Variants in DYRK1B observed in about 807,000 individuals in gnomAD.
DYRK1B encodes dual specificity tyrosine phosphorylation regulated kinase 1B, also known as dual specificity tyrosine-phosphorylation-regulated kinase 1B.
DYRK1B carries 20 observed loss-of-function variants against 57.1 expected under a neutral mutation model. That is an observed-to-expected ratio of 0.35 (90% CI 0.25 to 0.51). The LOEUF (loss-of-function observed/expected upper bound fraction) is 0.51, where lower values mean the gene tolerates loss of function less well. DYRK1B is among the 20% of genes least tolerant of loss of function. The pLI is 0.96. For missense variants in DYRK1B, 732 were observed against 886.3 expected (o/e 0.83, Z 2.21); for synonymous variants, 409 against 384.7 (o/e 1.06, Z -0.74).
rs1374084163 is a variant in DYRK1B at position 39,831,918 on chromosome 19, C to CG, written c.-52dup. On this transcript the variant is annotated 5_prime_UTR_variant, in exon 2 of 11. The change abolishes the stop of an existing upstream ORF in the 5' untranslated region. Coordinates refer to ENST00000323039, the MANE Select transcript of DYRK1B (RefSeq NM_004714.3). The stretch of plus-strand genomic sequence containing the variant: ...GCGAGGCCTGGAGCGGGAGCCCGGC[C>CG]GGGGGGCGCCTTCTTGCATCCTGCA... 13 of 1,438,104 alleles carry CG rather than the reference C, an allele frequency of 9.0e-6. No homozygotes were observed. Among genetic ancestry groups the CG allele is most frequent in the Non-Finnish European group, 1.2e-5 (13 of 1,093,996 alleles). 89.1% of individuals were successfully genotyped at this position (1,438,104 alleles called of 1,614,324 possible).
rs377489900 is a variant in DYRK1B at position 39,825,828 on chromosome 19, G to A, written c.1777C>T (p.Arg593Trp). ...GGACGACCTCCAGTCATCCGAGTCC[G>A]GAGGGCTGAGGCAGCCGGGTGCTGG... Reference protein sequence around the residue: ...APQHPAASALRTRMTGGRPPL... With the variant: ...APQHPAASALWTRMTGGRPPL... Residue 593 changes from arginine to tryptophan, a missense_variant, in exon 11 of 11, where the codon CGG becomes TGG. Arg to Trp is a moderately radical substitution (Grantham distance 101). Around this residue, in one of 2 missense-constraint regions of DYRK1B, gnomAD observed 222 missense variants for 205.0 expected, o/e 1.08. Coordinates refer to ENST00000323039, the MANE Select transcript of DYRK1B (RefSeq NM_004714.3). The A allele has an allele frequency of 8.0e-5, 128 of 1,609,864 alleles. No individual in the cohort carries two copies. The highest frequency in any genetic ancestry group is 9.6e-5 in the Non-Finnish European group (113 of 1,178,526).
rs1419901345 is a variant in DYRK1B at position 39,829,885 on chromosome 19, T to C, written c.515A>G (p.Tyr172Cys). 12 of 1,613,316 alleles carry C rather than the reference T, an allele frequency of 7.4e-6. No individual in the cohort carries two copies. Among genetic ancestry groups the C allele is most frequent in the Non-Finnish European group, 8.5e-7 (1 of 1,180,010 alleles). ...MNQHDTEMKY[Y>C]IVHLKRHFMF... ...CTGCCAGTCCCAGGCCTCACCTATATAGTACTTCATCTCCGTGTCATGCTG... is the reference window on the plus strand; with the variant it reads ...CTGCCAGTCCCAGGCCTCACCTATACAGTACTTCATCTCCGTGTCATGCTG... Residue 172 changes from tyrosine (Y) to cysteine (C), a missense_variant, in exon 5 of 11, where the codon TAT (tyrosine) becomes TGT (cysteine). Around this residue, in one of 2 missense-constraint regions of DYRK1B, gnomAD observed 510 missense variants for 681.3 expected, o/e 0.75. Transcript: ENST00000323039.
chr19:39,828,934 C>T lies in DYRK1B; in HGVS notation c.521-351G>A, dbSNP rs543455569. On this transcript the variant is annotated intron_variant, in intron 5 of 10. Coordinates refer to ENST00000323039, the MANE Select transcript of DYRK1B (RefSeq NM_004714.3). This position sits in a 1 kb window ranked among gnomAD's most constrained non-coding sequence, Gnocchi z 4.3. Reference sequence around the variant, plus strand: ...GTTTTCCGTTTACTTTAAGGATATACGTTTTCCTTTCAAACGAAACCATTT... The same window carrying T: ...GTTTTCCGTTTACTTTAAGGATATATGTTTTCCTTTCAAACGAAACCATTT... 4.6e-5 allele frequency among the ~76,000 whole-genome samples: 7 copies of T among 151,950 alleles called. No individual in the cohort carries two copies. In the East Asian group the frequency reaches 7.7e-4, roughly 17 times the overall value.
Position 39,825,713 on chromosome 19 carries a change from G to A in DYRK1B, c.*2C>T. ...AGGAGGGGCCCCAGGGAGGGGGCAGGGTCACGAGCTGGCTGCTGTGCTCTG... is the reference window on the plus strand; with the variant it reads ...AGGAGGGGCCCCAGGGAGGGGGCAGAGTCACGAGCTGGCTGCTGTGCTCTG... On this transcript the variant is annotated 3_prime_UTR_variant, in exon 11 of 11. Coordinates refer to ENST00000323039, the MANE Select transcript of DYRK1B (RefSeq NM_004714.3). The A allele has an allele frequency of 6.5e-7, 1 of 1,548,456 alleles. No individual in the cohort carries two copies. The highest frequency in any genetic ancestry group is 8.7e-7 in the Non-Finnish European group (1 of 1,147,714).
Position 39,826,151 on chromosome 19 carries a change from C to T in DYRK1B, c.1518+29G>A. The stretch of plus-strand genomic sequence containing the variant: ...TCTCTAAGCCCCAGGCACCACCACC[C>T]ACCTCCAAAGCCCCCAAAGCCCCAT... On this transcript the variant is annotated intron_variant, in intron 10 of 10. Transcript: ENST00000323039. The surrounding 1 kb of genome is among the most constrained non-coding windows in gnomAD (Gnocchi z 6.3). The T allele has an allele frequency of 6.3e-7, 1 of 1,585,658 alleles. No homozygotes were observed. Among genetic ancestry groups the T allele is most frequent in the Non-Finnish European group, 8.6e-7 (1 of 1,169,038 alleles).
Position 39,826,651 on chromosome 19 carries a change from TTTGGGCAC to T in DYRK1B, c.1411+13_1411+20del, listed in dbSNP as rs764636436. The T allele has an allele frequency of 1.3e-6, 2 of 1,575,018 alleles. No individual in the cohort carries two copies. The highest frequency in any genetic ancestry group is 4.7e-5 in the East Asian group (2 of 42,834). ...AGCAGCCCCCACCCGTTGTACCCCA[TTTGGGCAC>T]CTGGGCACCCACCAGAACTGGAGAT... On this transcript the variant is annotated intron_variant, in intron 9 of 10. Coordinates refer to ENST00000323039, the MANE Select transcript of DYRK1B (RefSeq NM_004714.3). The surrounding 1 kb of genome is among the most constrained non-coding windows in gnomAD (Gnocchi z 6.3).
chr19:39,829,393 A>AT (rs1440955550), intron 5 of DYRK1B, among the ~76,000 whole-genome samples: 1 of 151,386 alleles, frequency 6.6e-6, no homozygotes, highest in African/African-American at 2.4e-5. Context: ...CATCAAGCTA[A>AT]TTTTTTCACA....
rs1248010693 is a variant in DYRK1B at position 39,828,358 on chromosome 19, T to C, written c.746A>G (p.Asn249Ser). 3 of 1,614,098 alleles carry C rather than the reference T, an allele frequency of 1.9e-6. No homozygotes were observed. The highest frequency in any genetic ancestry group is 2.2e-5 in the South Asian group (2 of 91,070). ...AATCTTGATGGCGCTGCGCTTGGGG[T>C]TGCACAGCAAGATGTTTTCGGGCTT... ...DLKPENILLCNPKRSAIKIVD... is the reference protein window; with the variant it reads ...DLKPENILLCSPKRSAIKIVD... Residue 249 changes from asparagine (N) to serine (S), a missense_variant, in exon 6 of 11, where the codon AAC (asparagine) becomes AGC (serine). Around this residue, in one of 2 missense-constraint regions of DYRK1B, gnomAD observed 510 missense variants for 681.3 expected, o/e 0.75. Coordinates refer to ENST00000323039, the MANE Select transcript of DYRK1B (RefSeq NM_004714.3). The surrounding 1 kb of genome is among the most constrained non-coding windows in gnomAD (Gnocchi z 4.3).
intron 3 of DYRK1B, 41 bp from the exon 4 acceptor site, chr19:39,830,604 ACT>A: frequency 1.9e-6 from 3 of 1,613,462 alleles, no homozygotes; most frequent in Non-Finnish European, 2.5e-6. Flanking sequence ...CTGGTGAGTG[ACT>A]CATGCCAGCA....
At position 39,825,425 on chromosome 19, in the gene DYRK1B, T is replaced by C. The variant is rs918156100; in HGVS notation, c.*290A>G. ...CCCCCTACCTGCCCCCACCCCCTCC[T>C]AGGGTCCTGGGGTGAGGGGGGGTCT... On this transcript the variant is annotated 3_prime_UTR_variant, in exon 11 of 11. Transcript: ENST00000323039. 32 of 405,524 alleles carry C rather than the reference T, an allele frequency of 7.9e-5. No homozygotes were observed. Among genetic ancestry groups the C allele is most frequent in the African/African-American group, 6.1e-4 (29 of 47,836 alleles). The allele number at this position is 405,524 out of a possible 1,614,324, so 25.1% of individuals were successfully genotyped here.
Position 39,826,832 on chromosome 19 carries a change from G to T in DYRK1B, c.1251C>A (p.Ala417=). 1 of 1,490,428 alleles carries T rather than the reference G, an allele frequency of 6.7e-7. No homozygotes were observed. The highest frequency in any genetic ancestry group is 8.9e-7 in the Non-Finnish European group (1 of 1,121,800). 92.3% of individuals were successfully genotyped at this position (1,490,428 alleles called of 1,614,324 possible). Residue 417 remains alanine, a synonymous_variant, in exon 9 of 11, where the codon GCC becomes GCA. Coordinates refer to ENST00000323039, the MANE Select transcript of DYRK1B (RefSeq NM_004714.3). The surrounding 1 kb of genome is among the most constrained non-coding windows in gnomAD (Gnocchi z 6.3). ...GAGCCCCCAGGGGGCTGATGCGGGC[G>T]GCGGGCTCATACTCCAGCATGCGCA... ...LVLRMLEYEP[A]ARISPLGALQ...
chr19:39,825,961 G>T lies in DYRK1B; in HGVS notation c.1644C>A (p.Tyr548Ter). The change falls in exon 11 of 11, where the codon TAC (tyrosine) becomes TAA (stop). Residue 548 changes from tyrosine to a stop codon, truncating the protein, a stop_gained. Coordinates refer to ENST00000323039, the MANE Select transcript of DYRK1B (RefSeq NM_004714.3). LOFTEE classifies it high-confidence loss of function. Reference protein sequence around the residue: ...TGAQLPPQPRYLGRPPSPTSP... With the variant: ...TGAQLPPQPR ...AGGTTGGTGATGGGGGACGACCAAG[G>T]TATCGGGGCTGGGGGGGTAACTGGG... 5 of 1,528,476 alleles carry T rather than the reference G, an allele frequency of 3.3e-6. No individual in the cohort carries two copies. Among genetic ancestry groups the T allele is most frequent in the Non-Finnish European group, 4.4e-6 (5 of 1,140,920 alleles). The allele number at this position is 1,528,476 out of a possible 1,614,324, so 94.7% of individuals were successfully genotyped here. A position where few individuals can be genotyped will look rare whatever the true frequency, so the allele number is the denominator to read the frequency against.
In DYRK1B at chr19:39,827,285, C is replaced by T. The variant is rs1968587078; in HGVS notation, c.1095G>A (p.Lys365=). Residue 365 remains lysine, a splice_region_variant and synonymous_variant, in exon 8 of 11, where the codon AAG becomes AAA. Coordinates refer to ENST00000323039, the MANE Select transcript of DYRK1B (RefSeq NM_004714.3). ...WTLRRTKELR[K]DYQGPGTRRL... ...GAGTGGCATGGGGCAGGGGCCGCAC[C>T]TTCCTGAGTTCTTTCGTCCTTCGTA... 1.2e-6 allele frequency: 2 copies of T among 1,609,062 alleles called. No individual in the cohort carries two copies. The highest frequency in any genetic ancestry group is 1.7e-6 in the Non-Finnish European group (2 of 1,176,622).
At chr19:39,829,698 G>A (rs936172500) in intron 5 of DYRK1B, 182 bp downstream of exon 5, 45 of 713,202 alleles carry the variant, frequency 6.3e-5, no homozygotes, top group Middle Eastern at 4.0e-4. Context: ...CCATTACCAA[G>A]AAAATAGGAC....
Position 39,826,417 on chromosome 19 carries a change from C to A in DYRK1B, c.1412-131G>T. On this transcript the variant is annotated intron_variant, in intron 9 of 10. Transcript: ENST00000323039. This position sits in a 1 kb window ranked among gnomAD's most constrained non-coding sequence, Gnocchi z 6.3. ...CTTCAAGAGCAGAGCCCATCTGAAGCACCGGGCCCAATTCTGAGATTCTGG... is the reference window on the plus strand; with the variant it reads ...CTTCAAGAGCAGAGCCCATCTGAAGAACCGGGCCCAATTCTGAGATTCTGG... The A allele has an allele frequency of 1.2e-6, 1 of 855,738 alleles. No individual in the cohort carries two copies. The highest frequency in any genetic ancestry group is 1.7e-6 in the Non-Finnish European group (1 of 580,598). 53.0% of individuals were successfully genotyped at this position (855,738 alleles called of 1,614,324 possible).
rs1416628593 is a variant in DYRK1B, at chr19:39,831,925, C to T, written c.-58G>A. 13 of 1,436,834 alleles carry T rather than the reference C, an allele frequency of 9.0e-6. No homozygotes were observed. The highest frequency in any genetic ancestry group is 2.6e-4 in the Middle Eastern group (1 of 3,894). 89.0% of individuals were successfully genotyped at this position (1,436,834 alleles called of 1,614,324 possible). A position where few individuals can be genotyped will look rare whatever the true frequency, so the allele number is the denominator to read the frequency against. Reference sequence around the variant, plus strand: ...CTGGAGCGGGAGCCCGGCCGGGGGGCGCCTTCTTGCATCCTGCACCTCGGC... The same window carrying T: ...CTGGAGCGGGAGCCCGGCCGGGGGGTGCCTTCTTGCATCCTGCACCTCGGC... On this transcript the variant is annotated 5_prime_UTR_variant, in exon 2 of 11. Transcript: ENST00000323039.
At position 39,831,919 on chromosome 19, in the gene DYRK1B, G is replaced by C. The variant is rs546514883; in HGVS notation, c.-52C>G. On this transcript the variant is annotated 5_prime_UTR_variant, in exon 2 of 11. Transcript: ENST00000323039. ...CGAGGCCTGGAGCGGGAGCCCGGCC[G>C]GGGGGCGCCTTCTTGCATCCTGCAC... 7.0e-7 allele frequency: 1 copy of C among 1,437,596 alleles called. No homozygotes were observed. Among genetic ancestry groups the C allele is most frequent in the Non-Finnish European group, 9.1e-7 (1 of 1,093,786 alleles). The allele number at this position is 1,437,596 out of a possible 1,614,324, so 89.1% of individuals were successfully genotyped here. A position where few individuals can be genotyped will look rare whatever the true frequency, so the allele number is the denominator to read the frequency against.
chr19:39,833,349 G>A lies in DYRK1B; in HGVS notation c.-102+674C>T, dbSNP rs977584119. The stretch of plus-strand genomic sequence containing the variant: ...GGGGTGGGCGAGCGGCCAGCATGGC[G>A]GCGGTGGCGGCGCTGAAAAGGCGAC... On this transcript the variant is annotated intron_variant, in intron 1 of 10. Coordinates refer to ENST00000323039, the MANE Select transcript of DYRK1B (RefSeq NM_004714.3). The A allele has an allele frequency of 3.0e-6, 3 of 985,420 alleles. No individual in the cohort carries two copies. In the East Asian group the frequency reaches 3.4e-4, roughly 112 times the overall value. 61.0% of individuals were successfully genotyped at this position (985,420 alleles called of 1,614,324 possible). A position where few individuals can be genotyped will look rare whatever the true frequency, so the allele number is the denominator to read the frequency against.
chr19:39,827,612 C>T lies in DYRK1B; in HGVS notation c.852G>A (p.Val284=). 1.2e-6 allele frequency: 2 copies of T among 1,614,096 alleles called. No individual in the cohort carries two copies. The highest frequency in any genetic ancestry group is 1.7e-6 in the Non-Finnish European group (2 of 1,179,980). The change falls in exon 7 of 11, where the codon GTG becomes GTA. Residue 284 remains valine (V), a synonymous_variant. Transcript: ENST00000323039. ...IQSRFYRSPE[V]LLGTPYDLAI... is the part of the protein sequence containing the mutation. Reference sequence around the variant, plus strand: ...CCAGGTCGTAGGGTGTGCCCAGGAGCACCTCAGGTGAGCGGTAGAAGCGGC... The same window carrying T: ...CCAGGTCGTAGGGTGTGCCCAGGAGTACCTCAGGTGAGCGGTAGAAGCGGC...
Sources: allele counts gnomAD v4.1 joint callset (sites outside exome capture counted in the v4.1 genomes callset), GRCh38; gene constraint gnomAD v4.1.1; regional missense constraint gnomAD v4.1.1; non-coding constraint Gnocchi (gnomAD v3.1); transcripts MANE v1.5; gene names NCBI Gene and HGNC (gene_info 2026-07-23, HGNC 2026-07-21).